The following MEI4 variants were observed in gnomAD, a reference collection of about 807,000 sequenced individuals.
The protein encoded by MEI4 is meiosis-specific protein MEI4.
MEI4 carries 27 observed loss-of-function variants against 31.4 expected under a neutral mutation model. That is an observed-to-expected ratio of 0.86 (90% confidence interval 0.63 to 1.19). MEI4 has a LOEUF of 1.19. Ranked by LOEUF, MEI4 falls within the 50% of genes most tolerant of loss-of-function variation. The pLI is 0.00. For synonymous variants in MEI4, 122 were observed against 145.4 expected, an observed-to-expected ratio of 0.84 and a Z score of 1.16; for missense variants, 329 against 398.9, an observed-to-expected ratio of 0.82 and a Z score of 1.49.
chr6:77,679,831 C>G (rs1355392302), intron 1 of MEI4, among the ~76,000 whole-genome samples: 1 of 150,954 alleles, frequency 6.6e-6, no homozygotes, highest in Non-Finnish European at 1.5e-5. Context: ...ACCTCCGCCT[C>G]CTGGGTTCAA....
chr6:77,871,306 CAA>C (rs1771184604), intron 4 of MEI4, among the ~76,000 whole-genome samples: 2 of 152,016 alleles, frequency 1.3e-5, no homozygotes, highest in Admixed American at 6.6e-5. Flanking sequence ...CAAACAAAAA[CAA>C]AAGTCTACCT....
At chr6:77,824,085 C>T (rs1039605332) in intron 3 of MEI4, among the ~76,000 whole-genome samples, 6 of 152,062 alleles carry the variant, frequency 3.9e-5, no homozygotes, top group Non-Finnish European at 8.8e-5. Flanking sequence ...GGTTGATAAA[C>T]AGCACAAGTC....
At chr6:77,697,560 C>T (rs1413304713) in intron 2 of MEI4, among the ~76,000 whole-genome samples, 2 of 152,082 alleles carry the variant, frequency 1.3e-5, no homozygotes, top group African/African-American at 4.8e-5. Flanking sequence ...GTTCAGTTTC[C>T]ATGTAGTTGA....
At chr6:77,788,606 A>G (rs1225100624) in intron 3 of MEI4, among the ~76,000 whole-genome samples, 43 of 152,096 alleles carry the variant, frequency 2.8e-4, no homozygotes, top group Admixed American at 6.5e-4. Context: ...TTATACACCA[A>G]GAACAGACAA....
intron 4 of MEI4, among the ~76,000 whole-genome samples, chr6:77,900,483 T>TA (rs1458238201): frequency 6.6e-6 from 1 of 151,936 alleles, no homozygotes; most frequent in African/African-American, 2.4e-5. Context: ...GACAAGAACA[T>TA]ACGTGCTCCC....
At chr6:77,677,870 T>A (rs1184115111) in intron 1 of MEI4, among the ~76,000 whole-genome samples, 1 of 152,220 alleles carries the variant, frequency 6.6e-6, no homozygotes, top group East Asian at 1.9e-4. Context: ...AAATTAATTA[T>A]TTTCTTTTAT....
chr6:77,895,042 G>A (rs1362154978), intron 4 of MEI4, among the ~76,000 whole-genome samples: 1 of 152,110 alleles, frequency 6.6e-6, no homozygotes. Flanking sequence ...CACCAGCTTT[G>A]ATTTCTTTTC....
intron 4 of MEI4, among the ~76,000 whole-genome samples, chr6:77,871,266 C>A (rs375038210): frequency 1.6e-4 from 24 of 152,204 alleles, no homozygotes; most frequent in African/African-American, 4.8e-4. Flanking sequence ...GGAATCTTGA[C>A]CCCTCGTGTT....
upstream of MEI4, among the ~76,000 whole-genome samples, chr6:77,650,754 TTGATTATAGACTGTGTCTGCTGTG>T (rs1440034173): frequency 6.6e-6 from 1 of 152,224 alleles, no homozygotes; most frequent in African/African-American, 2.4e-5. Context: ...GTTTACCTAA[TTGATTATAGACTGTGTCTGCTGTG>T]GAGCTGCTGA....
At chr6:77,735,494 T>G (rs1333446464) in intron 2 of MEI4, among the ~76,000 whole-genome samples, 1 of 152,102 alleles carries the variant, frequency 6.6e-6, no homozygotes, top group African/African-American at 2.4e-5. Flanking sequence ...TCAGGTCCTT[T>G]AAGCACTTCT....
intron 4 of MEI4, among the ~76,000 whole-genome samples, chr6:77,906,917 G>T (rs1766309263): frequency 6.6e-6 from 1 of 152,098 alleles, no homozygotes; most frequent in Non-Finnish European, 1.5e-5. Flanking sequence ...ATGCTCAAGA[G>T]ACCATGGCTT....
rs1769866879 is a variant in MEI4 at position 77,823,133 on chromosome 6, T to TA, written c.769-5797dup. Among the ~76,000 whole-genome samples the TA allele has an allele frequency of 2.6e-5, 4 of 152,216 alleles. No homozygotes were observed. In the South Asian group the frequency reaches 8.3e-4, roughly 32 times the overall value. ...CATCTTCAGGAATAATCTCCTCCCT[T>TA]ACAGGGAATCTTAACACATTTAATT... On this transcript the variant is annotated intron_variant, in intron 3 of 4. Transcript: ENST00000684080.
chr6:77,894,575 T>G (rs185690451), intron 4 of MEI4, among the ~76,000 whole-genome samples: 1 of 152,208 alleles, frequency 6.6e-6, no homozygotes, highest in Non-Finnish European at 1.5e-5. Flanking sequence ...ATAAATATGA[T>G]GCCTTTTAAT....
chr6:77,788,809 G>A (rs561282637), intron 3 of MEI4, among the ~76,000 whole-genome samples: 14 of 152,158 alleles, frequency 9.2e-5, no homozygotes, highest in African/African-American at 2.4e-4. Flanking sequence ...AATCAATATC[G>A]TGAAAATGGC....
At chr6:77,801,385 T>C (rs933129691) in intron 3 of MEI4, among the ~76,000 whole-genome samples, 3 of 152,196 alleles carry the variant, frequency 2.0e-5, no homozygotes, top group Non-Finnish European at 4.4e-5. Context: ...TGTTTTCTTC[T>C]TTTTTAGTCT....
At chr6:77,858,449 A>ATT (rs1303006322) in intron 4 of MEI4, among the ~76,000 whole-genome samples, 1 of 152,178 alleles carries the variant, frequency 6.6e-6, no homozygotes, top group Non-Finnish European at 1.5e-5. Flanking sequence ...GTTAAATAAG[A>ATT]TTTAACTTAC....
At chr6:77,887,676 A>C (rs1159619727) in intron 4 of MEI4, among the ~76,000 whole-genome samples, 1 of 152,128 alleles carries the variant, frequency 6.6e-6, no homozygotes, top group African/African-American at 2.4e-5. Context: ...AATTTTGTTG[A>C]GACTTGTTTT....
At chr6:77,760,676 A>G (rs1192715550) in intron 2 of MEI4, among the ~76,000 whole-genome samples, 1 of 152,114 alleles carries the variant, frequency 6.6e-6, no homozygotes, top group Admixed American at 6.6e-5. Context: ...TAGTTCCATC[A>G]TGACCTCTTC....
At chr6:77,851,028 A>G (rs1332307342) in intron 4 of MEI4, among the ~76,000 whole-genome samples, 1 of 152,250 alleles carries the variant, frequency 6.6e-6, no homozygotes, top group Non-Finnish European at 1.5e-5. Context: ...CAAAAGACAC[A>G]TGAAAAAATG....
Sources: allele counts gnomAD v4.1 joint callset (sites outside exome capture counted in the v4.1 genomes callset), GRCh38; gene constraint gnomAD v4.1.1; transcripts MANE v1.5; gene names NCBI Gene and HGNC (gene_info 2026-07-23, HGNC 2026-07-21).